Variants in PIAS1 observed in about 807,000 individuals in gnomAD.
The protein encoded by PIAS1 is E3 SUMO-protein ligase PIAS1.
In PIAS1, 6 loss-of-function variants were observed where a neutral mutation model predicts 71.3. The observed-to-expected ratio is 0.08, with a 90% confidence interval of 0.05 to 0.17. The LOEUF (loss-of-function observed/expected upper bound fraction) is 0.17, where lower values mean the gene tolerates loss of function less well. Ranked by LOEUF, PIAS1 falls within the 10% of genes least tolerant of loss-of-function variation. The pLI, the probability that PIAS1 is intolerant of heterozygous loss-of-function variation, is 1.00. For synonymous variants in PIAS1, 303 were observed against 292.9 expected (o/e 1.03, Z -0.35); for missense variants, 555 against 793.6 (o/e 0.70, Z 3.61).
chr15:68,065,063 A>G (rs986097046), intron 1 of PIAS1, among the ~76,000 whole-genome samples: 1 of 152,062 alleles, frequency 6.6e-6, no homozygotes, highest in Non-Finnish European at 1.5e-5. Context: ...TTTAAATGAC[A>G]AATCTTTTAA....
rs2092288268 is a variant in PIAS1, at chr15:68,086,903, C to T, written c.469+153C>T. On this transcript the variant is annotated intron_variant, in intron 2 of 13. Transcript: ENST00000249636. This position sits in a 1 kb window ranked among gnomAD's most constrained non-coding sequence, Gnocchi z 7.2. The stretch of plus-strand genomic sequence containing the variant: ...AAGATCTTTCAAATTTAGATAAAAT[C>T]AAATATATAAAAGCTGTCTTTCAGG... Among the ~76,000 whole-genome samples the T allele has an allele frequency of 6.6e-6, 1 of 151,866 alleles. No individual in the cohort carries two copies. Among genetic ancestry groups the T allele is most frequent in the Non-Finnish European group, 1.5e-5 (1 of 67,966 alleles).
rs2093119947 is a variant in PIAS1, at chr15:68,191,494, T to C, written c.*3659T>C. 6.5e-6 allele frequency: 1 copy of C among 152,674 alleles called. No individual in the cohort carries two copies. The highest frequency in any genetic ancestry group is 2.1e-4 in the South Asian group (1 of 4,834). 9.5% of individuals were successfully genotyped at this position (152,674 alleles called of 1,614,324 possible). ...TCTTCTGTAAAATAACACTGCTGGA[T>C]GTTCAAGGGGACAATCCCTATGAGA... On this transcript the variant is annotated 3_prime_UTR_variant, in exon 14 of 14. Coordinates refer to ENST00000249636, the MANE Select transcript of PIAS1 (RefSeq NM_016166.3).
At chr15:68,130,417 C>A (rs1202557783) in intron 2 of PIAS1, among the ~76,000 whole-genome samples, 1 of 151,720 alleles carries the variant, frequency 6.6e-6, no homozygotes, top group African/African-American at 2.4e-5. Context: ...ATATATTAAA[C>A]ATTCCAAATG....
At chr15:68,140,191 C>A (rs1436454927) in intron 2 of PIAS1, among the ~76,000 whole-genome samples, 2 of 152,114 alleles carry the variant, frequency 1.3e-5, no homozygotes, top group African/African-American at 4.8e-5. Flanking sequence ...TTAGTTATAT[C>A]TTCTCTTTCT....
intron 12 of PIAS1, 80 bp downstream of exon 12, chr15:68,181,434 A>G: frequency 7.2e-7 from 1 of 1,395,814 alleles, no homozygotes; most frequent in Non-Finnish European, 1.0e-6. Flanking sequence ...AGGTGAATCT[A>G]AGGAAGAACT....
intron 11 of PIAS1, among the ~76,000 whole-genome samples, chr15:68,177,308 A>C (rs889828458): frequency 6.6e-6 from 1 of 151,628 alleles, no homozygotes; most frequent in Non-Finnish European, 1.5e-5. Context: ...GAAAGAAAAA[A>C]TTTGTATTTC....
chr15:68,083,383 A>T (rs916717210), intron 1 of PIAS1, among the ~76,000 whole-genome samples: 2 of 152,146 alleles, frequency 1.3e-5, no homozygotes, highest in African/African-American at 4.8e-5. Context: ...CCTTAAGAGT[A>T]TGCAACAGCT....
chr15:68,154,707 A>G (rs897566278), intron 7 of PIAS1, among the ~76,000 whole-genome samples: 2 of 152,234 alleles, frequency 1.3e-5, no homozygotes, highest in Non-Finnish European at 2.9e-5. Flanking sequence ...TTAAAAATGC[A>G]GCTAATCCTG....
rs2093010634 is a variant in PIAS1, at chr15:68,174,531, A to AT, written c.1169+646dup. Among the ~76,000 whole-genome samples the AT allele has an allele frequency of 6.6e-6, 1 of 151,992 alleles. No homozygotes were observed. Among genetic ancestry groups the AT allele is most frequent in the South Asian group, 2.1e-4 (1 of 4,820 alleles). ...TTGTGAAAAGGAGGACATCTCCTTG[A>AT]TTTTTTTGGGGATGGGGGGTTAGAG... is the stretch of plus-strand genomic sequence containing the variant. On this transcript the variant is annotated intron_variant, in intron 9 of 13. Transcript: ENST00000249636. This position sits in a 1 kb window ranked among gnomAD's most constrained non-coding sequence, Gnocchi z 4.0.
rs189502509 is a variant in PIAS1, at chr15:68,167,573, G to A, written c.1008+2769G>A. Among the ~76,000 whole-genome samples the A allele has an allele frequency of 1.7e-3, 253 of 152,196 alleles. 1 individual carries two copies. The highest frequency in any genetic ancestry group is 5.9e-3 in the African/African-American group (247 of 41,514). ...CTGATTTATTAAAAATAGAGGTGGA[G>A]GAATCTTTGAAAAGCTGCTTTGTAA... On this transcript the variant is annotated intron_variant, in intron 8 of 13. Transcript: ENST00000249636. This position sits in a 1 kb window ranked among gnomAD's most constrained non-coding sequence, Gnocchi z 4.4.
chr15:68,059,918 C>T (rs1364554595), intron 1 of PIAS1, among the ~76,000 whole-genome samples: 3 of 152,060 alleles, frequency 2.0e-5, no homozygotes, highest in Middle Eastern at 3.4e-3. Flanking sequence ...CCACTGCACC[C>T]ACTCTACAAA....
intron 2 of PIAS1, among the ~76,000 whole-genome samples, chr15:68,126,404 A>G (rs543901571): frequency 1.6e-4 from 24 of 152,246 alleles, no homozygotes; most frequent in African/African-American, 5.8e-4. Context: ...TATACATATA[A>G]AATACAGATG....
Position 68,187,414 on chromosome 15 carries a change from T to C in PIAS1, c.1663-128T>C. The stretch of plus-strand genomic sequence containing the variant: ...GGCCATTTGATTTTGCAAAATGTCT[T>C]AGTAAATATTTCAGAAACCCTAGAT... On this transcript the variant is annotated intron_variant, in intron 13 of 13. Transcript: ENST00000249636. This position sits in a 1 kb window ranked among gnomAD's most constrained non-coding sequence, Gnocchi z 5.3. 1 of 806,626 alleles carries C rather than the reference T, an allele frequency of 1.2e-6. No homozygotes were observed. The highest frequency in any genetic ancestry group is 2.8e-5 in the Admixed American group (1 of 35,750). The allele number at this position is 806,626 out of a possible 1,614,324, so 50.0% of individuals were successfully genotyped here.
chr15:68,167,781 C>G lies in PIAS1; in HGVS notation c.1008+2977C>G, dbSNP rs1328026258. On this transcript the variant is annotated intron_variant, in intron 8 of 13. Coordinates refer to ENST00000249636, the MANE Select transcript of PIAS1 (RefSeq NM_016166.3). This position sits in a 1 kb window ranked among gnomAD's most constrained non-coding sequence, Gnocchi z 4.4. ...AGTACAGTGGCCAGATCTTGGCTCA[C>G]TGCAACCTCCACCTCCCAGGTTCAA... Among the ~76,000 whole-genome samples the G allele has an allele frequency of 6.6e-6, 1 of 152,182 alleles. No homozygotes were observed. Among genetic ancestry groups the G allele is most frequent in the Non-Finnish European group, 1.5e-5 (1 of 68,038 alleles).
intron 2 of PIAS1, among the ~76,000 whole-genome samples, chr15:68,137,332 C>A (rs1369785041): frequency 6.6e-6 from 1 of 151,692 alleles, no homozygotes; most frequent in African/African-American, 2.4e-5. Flanking sequence ...TGAGAGAATA[C>A]AGTAATTAAA....
In PIAS1 at chr15:68,189,405, TTGA is replaced by T. The variant is rs558983391; in HGVS notation, c.*1574_*1576del. ...ACCGCAACTATTAATGTTCTCAGAG[TTGA>T]TGAGGACCACCTTTGTGTATACACT... On this transcript the variant is annotated 3_prime_UTR_variant, in exon 14 of 14. Transcript: ENST00000249636. 788 of 152,292 alleles carry T rather than the reference TTGA, an allele frequency of 5.2e-3. 11 individuals are homozygous for T. The highest frequency in any genetic ancestry group is 0.018 in the African/African-American group (766 of 41,554). 9.4% of individuals were successfully genotyped at this position (152,292 alleles called of 1,614,324 possible). A position where few individuals can be genotyped will look rare whatever the true frequency, so the allele number is the denominator to read the frequency against.
Position 68,149,012 on chromosome 15 carries a change from G to A in PIAS1, c.828+2312G>A, listed in dbSNP as rs933759638. ...ATGAGTCCTTGGTTTCTGGGTGGGG[G>A]GCTAGGCAAATGATATTGCTGCTGA... is the stretch of plus-strand genomic sequence containing the variant. On this transcript the variant is annotated intron_variant, in intron 6 of 13. Transcript: ENST00000249636. Among the ~76,000 whole-genome samples the A allele has an allele frequency of 5.2e-4, 79 of 152,168 alleles. 2 individuals carry two copies. Among genetic ancestry groups the A allele is most frequent in the African/African-American group, 1.8e-3 (76 of 41,524 alleles).
chr15:68,180,294 C>T (rs1225417899), intron 11 of PIAS1, among the ~76,000 whole-genome samples: 1 of 151,988 alleles, frequency 6.6e-6, no homozygotes. Flanking sequence ...GAGACAGGGT[C>T]TCCCTATGTT....
At position 68,186,458 on chromosome 15, in the gene PIAS1, G is replaced by A. The variant is rs2093088241; in HGVS notation, c.1663-1084G>A. The stretch of plus-strand genomic sequence containing the variant: ...TAAATTAAGTGTTACAAGAGTCAAA[G>A]TTTTAAAAAATCAGTTTATAAAGTA... On this transcript the variant is annotated intron_variant, in intron 13 of 13. Coordinates refer to ENST00000249636, the MANE Select transcript of PIAS1 (RefSeq NM_016166.3). This position sits in a 1 kb window ranked among gnomAD's most constrained non-coding sequence, Gnocchi z 4.4. 6.6e-6 allele frequency among the ~76,000 whole-genome samples: 1 copy of A among 152,202 alleles called. No homozygotes were observed. The highest frequency in any genetic ancestry group is 2.1e-4 in the South Asian group (1 of 4,834).
Sources: gnomAD v4.1 joint callset for allele counts (sites outside exome capture counted in the v4.1 genomes callset) on GRCh38, gnomAD v4.1.1 for gene constraint, Gnocchi (gnomAD v3.1) non-coding constraint, MANE v1.5 for transcripts, NCBI Gene and HGNC (gene_info 2026-07-23, HGNC 2026-07-21) for gene names.